Variants in SCAP observed in about 807,000 individuals in gnomAD.
SCAP encodes SREBF chaperone.
Under a neutral mutation model 123.6 loss-of-function variants are expected in SCAP, and 65 were observed. The observed-to-expected ratio is 0.53, with a 90% CI of 0.43 to 0.65. SCAP has a LOEUF of 0.65. SCAP is among the 30% of genes least tolerant of loss of function. The pLI is 0.00. For synonymous variants in SCAP, 740 were observed against 726.3 expected (o/e 1.02, Z -0.30); for missense variants, 1,398 against 1,712.5 (o/e 0.82, Z 3.24).
chr3:47,466,882 G>C (rs1188167309), intron 1 of SCAP, among the ~76,000 whole-genome samples: 1 of 152,010 alleles, frequency 6.6e-6, no homozygotes. Flanking sequence ...TCAGAAGTTT[G>C]AGACCAGCCT....
In SCAP at chr3:47,437,379, G is replaced by A. The variant is rs186646772; in HGVS notation, c.123-2242C>T. On this transcript the variant is annotated intron_variant, in intron 2 of 22. Coordinates refer to ENST00000265565, the MANE Select transcript of SCAP (RefSeq NM_012235.4). Reference sequence around the variant, plus strand: ...ACTTGAACCGGTGAGCTGAGATGGCGCCACTGCACTCTAGCCTGGGCAACA... The same window carrying A: ...ACTTGAACCGGTGAGCTGAGATGGCACCACTGCACTCTAGCCTGGGCAACA... 1.4e-3 allele frequency among the ~76,000 whole-genome samples: 177 copies of A among 126,436 alleles called. 1 individual carries two copies. The highest frequency in any genetic ancestry group is 5.3e-4 in the Admixed American group (5 of 9,418). The allele number at this position is 126,436 out of a possible 152,430, so 82.9% of individuals were successfully genotyped here. A position where few individuals can be genotyped will look rare whatever the true frequency, so the allele number is the denominator to read the frequency against.
At chr3:47,462,301 G>T (rs1257032153) in intron 1 of SCAP, among the ~76,000 whole-genome samples, 1 of 152,066 alleles carries the variant, frequency 6.6e-6, no homozygotes, top group East Asian at 1.9e-4. Flanking sequence ...ACTTGTCAAA[G>T]GTTTTTCTGT....
intron 2 of SCAP, among the ~76,000 whole-genome samples, chr3:47,437,709 T>G (rs1440931527): frequency 6.6e-6 from 1 of 152,024 alleles, no homozygotes; most frequent in South Asian, 2.1e-4. Flanking sequence ...GCCACTGCAT[T>G]CCAGCCTAGG....
At position 47,413,855 on chromosome 3, in the gene SCAP, C is replaced by T; in HGVS notation, c.3839G>A (p.Ter1280=). ...YVPSVLEKLD[*] is the part of the protein sequence containing the mutation. ...TGCCTGGGCAAGGAGGCCCTGCGCT[C>T]AGTCCAGCTTCTCCAGCACAGAGGG... is the stretch of plus-strand genomic sequence containing the variant. The change falls in exon 23 of 23, where the codon TGA becomes TAA. Residue 1280 remains the stop codon, a stop_retained_variant. Coordinates refer to ENST00000265565, the MANE Select transcript of SCAP (RefSeq NM_012235.4). The T allele has an allele frequency of 6.2e-7, 1 of 1,612,010 alleles. No homozygotes were observed. The highest frequency in any genetic ancestry group is 8.5e-7 in the Non-Finnish European group (1 of 1,179,444).
At chr3:47,475,972 C>T (rs1708259538), upstream of SCAP, 2 of 152,330 alleles carry the variant, frequency 1.3e-5, no homozygotes, top group South Asian at 2.0e-4. Context: ...CTACCTTTAC[C>T]CTCCCGCCCC....
rs1428195699 is a variant in SCAP at position 47,417,174 on chromosome 3, T to C, written c.3004A>G (p.Ser1002Gly). The C allele has an allele frequency of 1.2e-6, 2 of 1,613,064 alleles. No individual in the cohort carries two copies. The highest frequency in any genetic ancestry group is 1.7e-6 in the Non-Finnish European group (2 of 1,180,002). Reference protein sequence around the residue: ...WDAIEGVLCCSSEEVSSGITA... With the variant: ...WDAIEGVLCCGSEEVSSGITA... Reference sequence around the variant, plus strand: ...ATGCCTGAGGAGACCTCCTCGCTGCTGCAGCACAGCACCCCTTCAATGGCG... The same window carrying C: ...ATGCCTGAGGAGACCTCCTCGCTGCCGCAGCACAGCACCCCTTCAATGGCG... Residue 1002 changes from serine to glycine, a missense_variant, in exon 18 of 23, where the codon AGC (serine) becomes GGC (glycine). Transcript: ENST00000265565.
chr3:47,474,212 C>A (rs1274687157), intron 1 of SCAP, among the ~76,000 whole-genome samples: 2 of 151,362 alleles, frequency 1.3e-5, no homozygotes, highest in African/African-American at 4.9e-5. Flanking sequence ...GTGCAGTGAG[C>A]CGAGATGGCG....
Position 47,417,106 on chromosome 3 carries a change from G to A in SCAP, c.3056+16C>T. ...AAAGGCTGGGGACATCTGGGGCTGA[G>A]GCAGGCCACGCTCACCTTTTGTCCA... On this transcript the variant is annotated intron_variant, in intron 18 of 22. Coordinates refer to ENST00000265565, the MANE Select transcript of SCAP (RefSeq NM_012235.4). 6.2e-7 allele frequency: 1 copy of A among 1,611,710 alleles called. No individual in the cohort carries two copies. Among genetic ancestry groups the A allele is most frequent in the South Asian group, 1.1e-5 (1 of 91,034 alleles).
chr3:47,443,233 TACACACACAC>T (rs60723433), intron 1 of SCAP, 142 bp from the exon 2 acceptor site: 21,947 of 104,518 alleles, frequency 0.21, 3,884 homozygotes, highest in Non-Finnish European at 0.25. Flanking sequence ...AATCCCAAAA[TACACACACAC>T]ACACACACAC....
chr3:47,469,233 A>G (rs1057166445), intron 1 of SCAP, among the ~76,000 whole-genome samples: 6 of 152,198 alleles, frequency 3.9e-5, no homozygotes, highest in African/African-American at 1.4e-4. Flanking sequence ...CTGTAGTCCC[A>G]GCTACTTGGT....
At chr3:47,452,405 C>T (rs188899171) in intron 1 of SCAP, among the ~76,000 whole-genome samples, 150 of 152,230 alleles carry the variant, frequency 9.9e-4, no homozygotes, top group Non-Finnish European at 1.8e-3. Context: ...CCAACCAACC[C>T]AACCAGGATC....
chr3:47,435,209 G>A (rs1436615909), intron 2 of SCAP, 72 bp from the exon 3 acceptor site: 1 of 1,479,982 alleles, frequency 6.8e-7, no homozygotes, highest in East Asian at 2.3e-5. Context: ...TGACACAGGA[G>A]CCACTGGAGT....
chr3:47,426,732 G>A (rs553095152), intron 6 of SCAP, among the ~76,000 whole-genome samples: 57 of 152,328 alleles, frequency 3.7e-4, no homozygotes, highest in African/African-American at 1.1e-3. Context: ...CACCGCGCCC[G>A]GCCTCCAACA....
chr3:47,425,370 A>G, intron 8 of SCAP, 115 bp downstream of exon 8: 1 of 1,142,612 alleles, frequency 8.8e-7, no homozygotes. Context: ...GTCAAAAACA[A>G]CAATGTGAAG....
intron 1 of SCAP, among the ~76,000 whole-genome samples, chr3:47,444,600 A>C (rs986494956): frequency 2.6e-5 from 4 of 151,764 alleles, no homozygotes; most frequent in Non-Finnish European, 5.9e-5. Context: ...TAGTTTTCCA[A>C]GTAGCTGGGA....
intron 10 of SCAP, 23 bp downstream of exon 10, chr3:47,422,419 G>C: frequency 3.7e-6 from 6 of 1,604,614 alleles, no homozygotes; most frequent in Non-Finnish European, 5.1e-6. Flanking sequence ...TGCTCATCCA[G>C]GTGGCAGGCC....
chr3:47,427,141 G>A lies in SCAP; in HGVS notation c.737+16C>T, dbSNP rs1414478226. On this transcript the variant is annotated intron_variant, in intron 6 of 22. Transcript: ENST00000265565. Reference sequence around the variant, plus strand: ...CCAGCAGACCAGTCAAGAGCCCAGGGTACTGTCAATCTTACTTGGCATGGT... The same window carrying A: ...CCAGCAGACCAGTCAAGAGCCCAGGATACTGTCAATCTTACTTGGCATGGT... The A allele has an allele frequency of 3.8e-6, 6 of 1,576,696 alleles. No individual in the cohort carries two copies. In the African/African-American group the frequency reaches 5.4e-5, roughly 14 times the overall value.
At chr3:47,424,103 G>T in intron 8 of SCAP, 58 bp from the exon 9 acceptor site, 1 of 1,341,740 alleles carries the variant, frequency 7.5e-7, no homozygotes, top group East Asian at 2.3e-5. Context: ...AACAGACTGG[G>T]GCCCTCAGGA....
chr3:47,419,388 T>C lies in SCAP; in HGVS notation c.1880A>G (p.Lys627Arg). 6.2e-7 allele frequency: 1 copy of C among 1,610,662 alleles called. No individual in the cohort carries two copies. Among genetic ancestry groups the C allele is most frequent in the South Asian group, 1.1e-5 (1 of 90,960 alleles). ...CGTCGGCCAGTGGCGGAAGGACAAT[T>C]TCCTCCAAAGTTCCTCATCCTCAGG... Reference protein sequence around the residue: ...WGPEDEELWRKLSFRHWPTLF... With the variant: ...WGPEDEELWRRLSFRHWPTLF... The change falls in exon 13 of 23, where the codon AAA (lysine) becomes AGA (arginine). Residue 627 changes from lysine to arginine, a missense_variant. By Grantham distance (26) the Lys-to-Arg change is conservative. Coordinates refer to ENST00000265565, the MANE Select transcript of SCAP (RefSeq NM_012235.4). This position sits in a 1 kb window ranked among gnomAD's most constrained non-coding sequence, Gnocchi z 5.0.
Sources: allele counts gnomAD v4.1 joint callset (sites outside exome capture counted in the v4.1 genomes callset), GRCh38; gene constraint gnomAD v4.1.1; non-coding constraint Gnocchi (gnomAD v3.1); transcripts MANE v1.5; gene names NCBI Gene and HGNC (gene_info 2026-07-23, HGNC 2026-07-21).